The following RUNX1T1 variants were observed in gnomAD, a reference collection of about 807,000 sequenced individuals.
RUNX1T1 encodes RUNX1 partner transcriptional co-repressor 1, also known as protein CBFA2T1.
A neutral mutation model predicts 62.8 loss-of-function variants in RUNX1T1; 4 were observed. That is an observed-to-expected ratio of 0.06 (90% CI 0.03 to 0.15). RUNX1T1 has a LOEUF of 0.15. RUNX1T1 is among the 10% of genes least tolerant of loss of function. The pLI, the probability that RUNX1T1 is intolerant of heterozygous loss-of-function variation, is 1.00. For missense variants in RUNX1T1, 508 were observed against 754.3 expected, an observed-to-expected ratio of 0.67 and a Z score of 3.82; for synonymous variants, 291 against 286.0, an observed-to-expected ratio of 1.02 and a Z score of -0.18.
At chr8:92,094,348 A>G (rs911498094) in intron 1 of RUNX1T1, among the ~76,000 whole-genome samples, 3 of 152,174 alleles carry the variant, frequency 2.0e-5, no homozygotes, top group African/African-American at 7.2e-5. Context: ...CATTTTAAGA[A>G]CCTTCTAAAG....
At chr8:91,982,185 C>T (rs959560306) in intron 8 of RUNX1T1, among the ~76,000 whole-genome samples, 3 of 147,360 alleles carry the variant, frequency 2.0e-5, no homozygotes, top group South Asian at 2.1e-4. Context: ...TGCAGTGAGC[C>T]GAGATTATGC....
At chr8:92,083,365 AATAT>A (rs1835578180) in intron 1 of RUNX1T1, among the ~76,000 whole-genome samples, 1 of 152,220 alleles carries the variant, frequency 6.6e-6, no homozygotes, top group Admixed American at 6.5e-5. Context: ...ACAAAGGGCT[AATAT>A]CCAGAATCTA....
intron 8 of RUNX1T1, among the ~76,000 whole-genome samples, chr8:91,979,107 CAG>C (rs1814621230): frequency 6.6e-6 from 1 of 152,142 alleles, no homozygotes; most frequent in African/African-American, 2.4e-5. Flanking sequence ...ACAGAAAGAA[CAG>C]AGTGATTGGT....
chr8:91,990,262 T>A (rs1161650854), intron 6 of RUNX1T1, among the ~76,000 whole-genome samples: 1 of 152,240 alleles, frequency 6.6e-6, no homozygotes, highest in Non-Finnish European at 1.5e-5. Flanking sequence ...GAATTCTGTA[T>A]CCTCAGCTCC....
chr8:92,056,722 G>C (rs189857855), intron 1 of RUNX1T1, among the ~76,000 whole-genome samples: 5 of 152,138 alleles, frequency 3.3e-5, no homozygotes, highest in African/African-American at 1.2e-4. Flanking sequence ...GCTCCTGGGG[G>C]CAGAGCCATG....
At chr8:92,032,093 CAAAAA>C (rs59047751) in intron 1 of RUNX1T1, among the ~76,000 whole-genome samples, 1 of 29,532 alleles carries the variant, frequency 3.4e-5, no homozygotes, top group Non-Finnish European at 5.5e-5. Flanking sequence ...AATCCTGTCT[CAAAAA>C]AAAAAAAAAA....
chr8:91,981,411 T>G (rs1336287694), intron 8 of RUNX1T1, among the ~76,000 whole-genome samples: 1 of 125,190 alleles, frequency 8.0e-6, no homozygotes, highest in Non-Finnish European at 1.7e-5. Flanking sequence ...AAGCTTTTTT[T>G]TTTTTTTTTT....
At chr8:91,976,275 G>C (rs1361824588) in intron 8 of RUNX1T1, among the ~76,000 whole-genome samples, 1 of 152,128 alleles carries the variant, frequency 6.6e-6, no homozygotes, top group Non-Finnish European at 1.5e-5. Context: ...TCTGACTATG[G>C]AGACTTCTAT....
chr8:92,044,959 A>G (rs759624902), intron 1 of RUNX1T1, among the ~76,000 whole-genome samples: 7 of 151,912 alleles, frequency 4.6e-5, no homozygotes, highest in African/African-American at 9.7e-5. Flanking sequence ...GACCAGGTGC[A>G]GGGGCCTAAG....
At chr8:92,030,837 A>G (rs1826083612) in intron 1 of RUNX1T1, among the ~76,000 whole-genome samples, 1 of 152,158 alleles carries the variant, frequency 6.6e-6, no homozygotes, top group African/African-American at 2.4e-5. Flanking sequence ...ACTGGCTTCA[A>G]CCTGTCTGGC....
At chr8:92,008,388 T>TCTCTCTCA (rs1554617950) in intron 4 of RUNX1T1, among the ~76,000 whole-genome samples, 3 of 131,898 alleles carry the variant, frequency 2.3e-5, no homozygotes, top group African/African-American at 8.8e-5. Context: ...TCTCTCTCTC[T>TCTCTCTCA]CACACACACA....
intron 1 of RUNX1T1, among the ~76,000 whole-genome samples, chr8:92,083,404 GA>G (rs557946565): frequency 8.1e-4 from 123 of 151,988 alleles, no homozygotes; most frequent in African/African-American, 2.9e-3. Context: ...AAATTTACAA[GA>G]AAAAAACAAC....
chr8:92,042,756 T>C (rs1460085133), intron 1 of RUNX1T1, among the ~76,000 whole-genome samples: 1 of 152,198 alleles, frequency 6.6e-6, no homozygotes, highest in African/African-American at 2.4e-5. Context: ...CACTAATAAA[T>C]GGCAGCTATT....
intron 1 of RUNX1T1, among the ~76,000 whole-genome samples, chr8:92,050,427 T>C (rs1185218647): frequency 6.6e-6 from 1 of 152,204 alleles, no homozygotes; most frequent in Non-Finnish European, 1.5e-5. Context: ...ATGATCCCTA[T>C]GTCAGTGATA....
chr8:92,074,482 C>T (rs928282768), intron 2 of RUNX1T1, among the ~76,000 whole-genome samples: 2 of 152,224 alleles, frequency 1.3e-5, no homozygotes, highest in Non-Finnish European at 1.5e-5. Context: ...ACAAACTCCA[C>T]GCAGATACAT....
chr8:91,972,867 CAT>C (rs201720078), intron 9 of RUNX1T1, among the ~76,000 whole-genome samples: 1 of 151,972 alleles, frequency 6.6e-6, no homozygotes, highest in East Asian at 1.9e-4. Flanking sequence ...CTGAAGAAAA[CAT>C]TGTTACAATT....
At chr8:92,042,105 G>A (rs993771320) in intron 1 of RUNX1T1, among the ~76,000 whole-genome samples, 3 of 151,808 alleles carry the variant, frequency 2.0e-5, no homozygotes, top group African/African-American at 7.2e-5. Context: ...TTACAGGTGT[G>A]ATCTGTGCCT....
chr8:91,991,686 T>G, exon 6 of RUNX1T1: 1 of 1,614,108 alleles, frequency 6.2e-7, no homozygotes, highest in East Asian at 2.2e-5. Context: ...GGGGTGTCGA[T>G]AGGAGTCCCT....
At chr8:92,027,129 A>G (rs113419174) in intron 1 of RUNX1T1, among the ~76,000 whole-genome samples, 2,038 of 145,828 alleles carry the variant, frequency 0.014, 48 homozygotes, top group African/African-American at 0.047. Flanking sequence ...AAAAAAAAAA[A>G]AAAAAGAAAA....
Sources: allele counts gnomAD v4.1 joint callset (sites outside exome capture counted in the v4.1 genomes callset), GRCh38; gene constraint gnomAD v4.1.1; transcripts MANE v1.5; gene names NCBI Gene and HGNC (gene_info 2026-07-23, HGNC 2026-07-21).